VRK3: variants seen among roughly 807,000 people sequenced by gnomAD.
VRK3 encodes VRK serine/threonine kinase 3.
A neutral mutation model predicts 60.4 loss-of-function variants in VRK3; 50 were observed. The observed-to-expected ratio is 0.83, with a 90% CI of 0.66 to 1.05. The LOEUF is 1.05. VRK3 is among the 50% of genes least tolerant of loss of function. The pLI is 0.00. For synonymous variants in VRK3, 246 were observed against 227.8 expected (o/e 1.08, Z -0.72); for missense variants, 549 against 585.3 (o/e 0.94, Z 0.64).
intron 5 of VRK3, among the ~76,000 whole-genome samples, chr19:50,004,482 C>T (rs1232687604): frequency 6.6e-6 from 1 of 152,192 alleles, no homozygotes; most frequent in Non-Finnish European, 1.5e-5. Flanking sequence ...GCGTTCAAAT[C>T]CCAGCTCTAC....
At chr19:50,021,939 G>T (rs61380983) in intron 1 of VRK3, among the ~76,000 whole-genome samples, 7,978 of 152,268 alleles carry the variant, frequency 0.052, 686 homozygotes, top group African/African-American at 0.18. Flanking sequence ...CAGAGGCTCA[G>T]AGAGCAAATG....
In VRK3 at chr19:50,009,330, C is replaced by T; in HGVS notation, c.195G>A (p.Trp65Ter). ...SFETSPKKVK[W>*]SSTVTSPRLS... ...ATCGGGGAGAGGTGACGGTGCTGGA[C>T]CATTTCACTTTCTTAGGAGAGGTTT... Residue 65 changes from tryptophan (W) to a stop codon, truncating the protein, a stop_gained, in exon 4 of 15, where the codon TGG becomes TGA. Coordinates refer to ENST00000316763, the MANE Select transcript of VRK3 (RefSeq NM_016440.4). LOFTEE classifies it high-confidence loss of function. 2.5e-6 allele frequency: 4 copies of T among 1,614,054 alleles called. No individual in the cohort carries two copies. Among genetic ancestry groups the T allele is most frequent in the Non-Finnish European group, 3.4e-6 (4 of 1,180,002 alleles).
intron 14 of VRK3, among the ~76,000 whole-genome samples, chr19:49,977,877 C>A (rs891518250): frequency 6.6e-6 from 1 of 152,164 alleles, no homozygotes; most frequent in Admixed American, 6.5e-5. Flanking sequence ...GAGTCCCCAC[C>A]CCTCACCACT....
intron 4 of VRK3, 30 bp from the exon 5 acceptor site, chr19:50,007,856 G>C (rs2076925198): frequency 6.2e-7 from 1 of 1,612,984 alleles, no homozygotes; most frequent in Non-Finnish European, 8.5e-7. Flanking sequence ...TAAAGTAAAA[G>C]CACCATCCAG....
intron 12 of VRK3, among the ~76,000 whole-genome samples, chr19:49,985,704 A>AT (rs1466690605): frequency 2.0e-5 from 3 of 152,064 alleles, no homozygotes; most frequent in African/African-American, 7.2e-5. Context: ...GAGGGCAGGG[A>AT]TTTTTGTCTT....
At chr19:49,993,079 A>AC in intron 9 of VRK3, 127 bp from the exon 10 acceptor site, 1 of 773,276 alleles carries the variant, frequency 1.3e-6, no homozygotes. Flanking sequence ...TGGGGGTTAA[A>AC]CCTGACTAAA....
intron 10 of VRK3, among the ~76,000 whole-genome samples, chr19:49,992,456 T>G (rs906521368): frequency 1.3e-5 from 2 of 152,252 alleles, no homozygotes; most frequent in Non-Finnish European, 2.9e-5. Flanking sequence ...TGACTGTTAT[T>G]GCCTTCCAAA....
chr19:50,016,055 G>T lies in VRK3; in HGVS notation c.108C>A (p.Thr36=), dbSNP rs1231571620. The T allele has an allele frequency of 1.2e-6, 2 of 1,614,192 alleles. No individual in the cohort carries two copies. Among genetic ancestry groups the T allele is most frequent in the Non-Finnish European group, 1.7e-6 (2 of 1,180,044 alleles). The part of the protein sequence containing the change: ...LPVEEHVGSQ[T]FVNPHVSSFQ... Reference sequence around the variant, plus strand: ...AGGATGACACATGTGGATTGACAAAGGTCTGGGACCCTACATGCTCCTCTA... The same window carrying T: ...AGGATGACACATGTGGATTGACAAATGTCTGGGACCCTACATGCTCCTCTA... Residue 36 remains threonine (T), a synonymous_variant, in exon 3 of 15, where the codon ACC becomes ACA. Coordinates refer to ENST00000316763, the MANE Select transcript of VRK3 (RefSeq NM_016440.4).
At position 50,007,770 on chromosome 19, in the gene VRK3, G is replaced by A. The variant is rs2076922957; in HGVS notation, c.346C>T (p.Pro116Ser). The change falls in exon 5 of 15, where the codon CCT becomes TCT. Residue 116 changes from proline to serine, a missense_variant. Transcript: ENST00000316763. The part of the protein sequence containing the change: ...KSSPQKTRKS[P>S]QVTRGSPQKT... ...TGAGGGCTACCCCTGGTCACCTGAG[G>A]GCTCTTCCTGGTCTTCTGAGGGCTG... The A allele has an allele frequency of 6.2e-6, 10 of 1,614,102 alleles. No homozygotes were observed. Among genetic ancestry groups the A allele is most frequent in the Admixed American group, 1.7e-5 (1 of 60,022 alleles).
chr19:50,009,195 G>C (rs1345780529), intron 4 of VRK3, 41 bp downstream of exon 4: 1 of 1,592,312 alleles, frequency 6.3e-7, no homozygotes, highest in Non-Finnish European at 8.6e-7. Context: ...ACCTAACTTT[G>C]CTCCACTTAA....
Position 49,995,254 on chromosome 19 carries a change from T to C in VRK3, c.701A>G (p.Tyr234Cys), listed in dbSNP as rs776218659. Reference protein sequence around the residue: ...PLQVNKWKKLYSTPLLAIPTC... With the variant: ...PLQVNKWKKLCSTPLLAIPTC... ...AGGGATGGCCAGCAGTGGGGTCGAG[T>C]ACAGCTTCTTCCACTTGTTGACTGC... The change falls in exon 8 of 15, where the codon TAC (tyrosine) becomes TGC (cysteine). Residue 234 changes from tyrosine to cysteine, a missense_variant. Coordinates refer to ENST00000316763, the MANE Select transcript of VRK3 (RefSeq NM_016440.4). 3.1e-6 allele frequency: 5 copies of C among 1,614,002 alleles called. No homozygotes were observed. The highest frequency in any genetic ancestry group is 8.5e-7 in the Non-Finnish European group (1 of 1,180,024).
intron 13 of VRK3, among the ~76,000 whole-genome samples, chr19:49,979,602 T>G (rs1046023752): frequency 6.6e-6 from 1 of 152,132 alleles, no homozygotes; most frequent in Non-Finnish European, 1.5e-5. Context: ...ATATTTAGCA[T>G]GTATCTTTAA....
At chr19:50,022,305 T>C (rs1238410268) in intron 1 of VRK3, among the ~76,000 whole-genome samples, 1 of 152,182 alleles carries the variant, frequency 6.6e-6, no homozygotes. Flanking sequence ...CTTTTAACCA[T>C]GTGCCACCCC....
intron 5 of VRK3, among the ~76,000 whole-genome samples, chr19:50,003,993 G>C (rs745771685): frequency 7.9e-5 from 12 of 152,236 alleles, no homozygotes; most frequent in African/African-American, 1.2e-4. Flanking sequence ...TTGAGGCCAA[G>C]AGTTTGAGAC....
rs186617794 is a variant in VRK3, at chr19:50,006,684, A to G, written c.547+885T>C. On this transcript the variant is annotated intron_variant, in intron 5 of 14. Coordinates refer to ENST00000316763, the MANE Select transcript of VRK3 (RefSeq NM_016440.4). ...GCCACCGCGCCTGGCCAATAAAAGA[A>G]TAACTTTTATGTGAGTTTTATCTCA... 8.5e-5 allele frequency among the ~76,000 whole-genome samples: 13 copies of G among 152,360 alleles called. No homozygotes were observed. In the East Asian group the frequency reaches 2.3e-3, roughly 27 times the overall value.
chr19:50,004,073 T>C (rs2076853942), intron 5 of VRK3, among the ~76,000 whole-genome samples: 1 of 152,214 alleles, frequency 6.6e-6, no homozygotes, highest in Non-Finnish European at 1.5e-5. Context: ...GCTGAAGGAA[T>C]GGATGACTCA....
intron 3 of VRK3, among the ~76,000 whole-genome samples, chr19:50,014,556 G>A (rs529291845): frequency 1.6e-4 from 25 of 152,314 alleles, no homozygotes; most frequent in African/African-American, 5.3e-4. Flanking sequence ...CAGCCTGGGC[G>A]AAAGAGCAAG....
intron 12 of VRK3, among the ~76,000 whole-genome samples, chr19:49,984,723 T>C (rs1600656241): frequency 6.6e-6 from 1 of 152,140 alleles, no homozygotes; most frequent in East Asian, 1.9e-4. Flanking sequence ...CTCCACCTCC[T>C]TGGACTCAAG....
intron 5 of VRK3, among the ~76,000 whole-genome samples, chr19:50,007,183 C>G (rs901402830): frequency 3.3e-5 from 5 of 152,256 alleles, no homozygotes; most frequent in African/African-American, 1.2e-4. Context: ...GATGTTTGAA[C>G]CAAATTTTAC....
Sources: allele counts gnomAD v4.1 joint callset (sites outside exome capture counted in the v4.1 genomes callset), GRCh38; gene constraint gnomAD v4.1.1; transcripts MANE v1.5; gene names NCBI Gene and HGNC (gene_info 2026-07-23, HGNC 2026-07-21).